XKR4: variants seen among roughly 807,000 people sequenced by gnomAD.
The protein encoded by XKR4 is XK-related protein 4.
XKR4 carries 12 observed loss-of-function variants against 53.9 expected under a neutral mutation model. The observed-to-expected ratio is 0.22, with a 90% confidence interval of 0.14 to 0.36. The LOEUF (loss-of-function observed/expected upper bound fraction) is 0.36, where lower values mean the gene tolerates loss of function less well. Among genes scored for constraint, XKR4 ranks in the 10% least tolerant of loss-of-function variants. The pLI, the probability that XKR4 is intolerant of heterozygous loss-of-function variation, is 1.00. For missense variants in XKR4, 799 were observed against 859.5 expected (o/e 0.93, Z 0.88); for synonymous variants, 354 against 362.4 (o/e 0.98, Z 0.26).
At chr8:55,289,039 C>A (rs1215711299) in intron 1 of XKR4, among the ~76,000 whole-genome samples, 2 of 152,134 alleles carry the variant, frequency 1.3e-5, no homozygotes, top group Non-Finnish European at 2.9e-5. Context: ...TAGATGTACC[C>A]ATCAGTTTTT....
intron 2 of XKR4, among the ~76,000 whole-genome samples, chr8:55,503,474 C>A (rs1563368208): frequency 1.3e-5 from 2 of 151,846 alleles, no homozygotes; most frequent in Non-Finnish European, 2.9e-5. Context: ...ATTTCCTTTT[C>A]ATGTTTCCAT....
At chr8:55,116,090 G>C (rs1252376644) in intron 1 of XKR4, among the ~76,000 whole-genome samples, 2 of 152,152 alleles carry the variant, frequency 1.3e-5, no homozygotes, top group Non-Finnish European at 2.9e-5. Flanking sequence ...GAGTGGGCTG[G>C]TTCTGGGCTT....
intron 1 of XKR4, among the ~76,000 whole-genome samples, chr8:55,206,189 T>C (rs557896145): frequency 4.6e-5 from 7 of 152,286 alleles, no homozygotes; most frequent in South Asian, 2.1e-4. Flanking sequence ...TTCCACACCA[T>C]GGAAGGGGGC....
At chr8:55,118,764 C>T (rs1043250158) in intron 1 of XKR4, among the ~76,000 whole-genome samples, 1 of 152,160 alleles carries the variant, frequency 6.6e-6, no homozygotes, top group Admixed American at 6.5e-5. Context: ...TGTAGCATTC[C>T]ATGAATAATT....
At chr8:55,363,335 C>T (rs1376388792) in intron 2 of XKR4, among the ~76,000 whole-genome samples, 2 of 152,084 alleles carry the variant, frequency 1.3e-5, no homozygotes, top group African/African-American at 4.8e-5. Context: ...CTCCTTTTGC[C>T]AACAGTTTAT....
chr8:55,405,608 G>A (rs1397265138), intron 2 of XKR4, among the ~76,000 whole-genome samples: 1 of 152,158 alleles, frequency 6.6e-6, no homozygotes, highest in Non-Finnish European at 1.5e-5. Context: ...TAGCTGGTGA[G>A]GAATCCGCAG....
chr8:55,213,818 T>C (rs1817761467), intron 1 of XKR4, among the ~76,000 whole-genome samples: 1 of 150,058 alleles, frequency 6.7e-6, no homozygotes, highest in South Asian at 2.1e-4. Flanking sequence ...ATAGAGTCAA[T>C]AACAGTTTAC....
chr8:55,160,108 G>T (rs900092190), intron 1 of XKR4, among the ~76,000 whole-genome samples: 4 of 152,220 alleles, frequency 2.6e-5, no homozygotes, highest in Admixed American at 2.0e-4. Flanking sequence ...AAGGAAGTAT[G>T]CATGATTGGA....
At chr8:55,423,876 C>G (rs775374062) in intron 2 of XKR4, among the ~76,000 whole-genome samples, 43 of 152,336 alleles carry the variant, frequency 2.8e-4, no homozygotes, top group Middle Eastern at 3.4e-3. Flanking sequence ...ATGAGATCAG[C>G]AGGAAAGCAT....
chr8:55,366,513 A>G (rs1433723146), intron 2 of XKR4, among the ~76,000 whole-genome samples: 1 of 152,074 alleles, frequency 6.6e-6, no homozygotes, highest in Non-Finnish European at 1.5e-5. Flanking sequence ...TCACGTGGCC[A>G]CTCAACCTTG....
intron 1 of XKR4, among the ~76,000 whole-genome samples, chr8:55,178,080 C>T (rs140731670): frequency 6.6e-6 from 1 of 152,318 alleles, no homozygotes; most frequent in African/African-American, 2.4e-5. Flanking sequence ...TTCTGCATTG[C>T]CCTCTGGTTT....
At chr8:55,144,141 C>T (rs1046997497) in intron 1 of XKR4, among the ~76,000 whole-genome samples, 9 of 152,168 alleles carry the variant, frequency 5.9e-5, no homozygotes, top group African/African-American at 2.2e-4. Context: ...CTTTATAAAA[C>T]AACACATTCA....
intron 2 of XKR4, chr8:55,454,021 G>T (rs188815940): frequency 1.1e-6 from 1 of 891,460 alleles, no homozygotes; most frequent in Admixed American, 1.9e-5. Context: ...TGCACACGAC[G>T]TGCAGGCACC....
chr8:55,131,865 C>T (rs971695748), intron 1 of XKR4, among the ~76,000 whole-genome samples: 1 of 152,212 alleles, frequency 6.6e-6, no homozygotes, highest in African/African-American at 2.4e-5. Flanking sequence ...ATTGGGCCAC[C>T]ATGCCCAGCC....
intron 1 of XKR4, among the ~76,000 whole-genome samples, chr8:55,347,000 A>G (rs1222936126): frequency 6.6e-6 from 1 of 152,232 alleles, no homozygotes; most frequent in East Asian, 1.9e-4. Flanking sequence ...ACTCGGTCAA[A>G]TCTTATTTAG....
chr8:55,381,452 G>C (rs1484306433), intron 2 of XKR4, among the ~76,000 whole-genome samples: 1 of 152,196 alleles, frequency 6.6e-6, no homozygotes, highest in East Asian at 1.9e-4. Context: ...GGACAGTGTA[G>C]CTCAGCCAGG....
intron 2 of XKR4, among the ~76,000 whole-genome samples, chr8:55,466,611 TG>T (rs1431368366): frequency 7.3e-6 from 1 of 136,840 alleles, no homozygotes; most frequent in Non-Finnish European, 1.6e-5. Context: ...ATTGTGCACA[TG>T]TACCCTAAAA....
At chr8:55,103,585 C>T (rs552663973) in intron 1 of XKR4, among the ~76,000 whole-genome samples, 5 of 152,044 alleles carry the variant, frequency 3.3e-5, no homozygotes, top group African/African-American at 1.2e-4. Flanking sequence ...CATGCCACAA[C>T]CCCCCTCCCC....
intron 2 of XKR4, among the ~76,000 whole-genome samples, chr8:55,500,306 G>A (rs1183324275): frequency 1.3e-5 from 2 of 151,792 alleles, no homozygotes; most frequent in African/African-American, 2.4e-5. Flanking sequence ...TTCTGCAAGT[G>A]TAAGATATCT....
Sources: allele counts gnomAD v4.1 joint callset (sites outside exome capture counted in the v4.1 genomes callset), GRCh38; gene constraint gnomAD v4.1.1; transcripts MANE v1.5; gene names NCBI Gene and HGNC (gene_info 2026-07-23, HGNC 2026-07-21).